NAA11: variants seen among roughly 807,000 people sequenced by gnomAD.
The protein encoded by NAA11 is N-alpha-acetyltransferase 11.
In NAA11, 15 loss-of-function variants were observed where a neutral mutation model predicts 16.1. The ratio of observed to expected loss-of-function variants is 0.93; its 90% CI spans 0.62 to 1.44. The LOEUF is 1.44. Among genes scored for constraint, NAA11 ranks in the 40% most tolerant of loss-of-function variants. The pLI is 0.00. For synonymous variants in NAA11, 122 were observed against 112.4 expected (o/e 1.09, Z -0.54); for missense variants, 298 against 291.3 (o/e 1.02, Z -0.17).
chr4:79,314,781 A>C (rs910089698), downstream of NAA11, among the ~76,000 whole-genome samples: 8 of 152,080 alleles, frequency 5.3e-5, no homozygotes, highest in Non-Finnish European at 8.8e-5. Flanking sequence ...TTAGAAGTGA[A>C]ACTTTTAAAA....
the NAA11 span, among the ~76,000 whole-genome samples, chr4:79,161,423 A>T: frequency 1.3e-5 from 2 of 152,192 alleles, no homozygotes; most frequent in South Asian, 4.1e-4. Flanking sequence ...TGATTACTAT[A>T]GCTTTGTAAG....
the NAA11 span, among the ~76,000 whole-genome samples, chr4:79,156,525 C>T: frequency 6.6e-6 from 1 of 152,244 alleles, no homozygotes; most frequent in East Asian, 1.9e-4. Flanking sequence ...TCTCCTTGCT[C>T]AGGGAGGTCA....
intron 2 of NAA11, among the ~76,000 whole-genome samples, chr4:79,271,469 G>A (rs540658172): frequency 6.6e-6 from 1 of 152,072 alleles, no homozygotes; most frequent in South Asian, 2.1e-4. Context: ...TTTTGGTAAA[G>A]GAGAACATAA....
downstream of NAA11, among the ~76,000 whole-genome samples, chr4:79,220,854 T>C (rs961615637): frequency 1.3e-5 from 2 of 152,100 alleles, no homozygotes; most frequent in African/African-American, 2.4e-5. Context: ...CTTGGCGATG[T>C]GGGCTCTTTT....
chr4:79,246,762 C>T (rs966976157), intron 2 of NAA11, among the ~76,000 whole-genome samples: 20 of 152,118 alleles, frequency 1.3e-4, no homozygotes, highest in Non-Finnish European at 2.2e-4. Context: ...GTAAAGAATG[C>T]AGAGAGGCCT....
At chr4:79,309,459 T>TA (rs999213043) in intron 1 of NAA11, among the ~76,000 whole-genome samples, 6 of 152,196 alleles carry the variant, frequency 3.9e-5, no homozygotes, top group African/African-American at 1.2e-4. Context: ...CATGTTTGCT[T>TA]ATTGTTTGCT....
chr4:79,183,728 C>T, the NAA11 span, among the ~76,000 whole-genome samples: 2 of 152,016 alleles, frequency 1.3e-5, no homozygotes, highest in Non-Finnish European at 2.9e-5. Flanking sequence ...TGTTCAGCCT[C>T]CCCTTGCTAC....
chr4:79,172,178 A>T, the NAA11 span, among the ~76,000 whole-genome samples: 1 of 152,106 alleles, frequency 6.6e-6, no homozygotes. Context: ...TATACGTTGG[A>T]AAAACAATGC....
At chr4:79,271,463 G>A (rs1722491032) in intron 2 of NAA11, among the ~76,000 whole-genome samples, 1 of 151,786 alleles carries the variant, frequency 6.6e-6, no homozygotes, top group Admixed American at 6.6e-5. Context: ...TATTTTTTTT[G>A]GTAAAGGAGA....
the NAA11 span, among the ~76,000 whole-genome samples, chr4:79,172,202 A>G: frequency 1.1e-4 from 17 of 152,258 alleles, no homozygotes; most frequent in South Asian, 6.2e-4. Flanking sequence ...CAAAGGCTTC[A>G]TGACTACTCT....
downstream of NAA11, among the ~76,000 whole-genome samples, chr4:79,223,060 G>C (rs1379692732): frequency 1.4e-5 from 2 of 146,810 alleles, no homozygotes; most frequent in African/African-American, 5.0e-5. Context: ...CTGTAAACTA[G>C]TTCAACCATT....
chr4:79,212,603 T>G, the NAA11 span, among the ~76,000 whole-genome samples: 2 of 152,126 alleles, frequency 1.3e-5, no homozygotes, highest in South Asian at 4.1e-4. Flanking sequence ...ACGGTTTCAC[T>G]TTACATGGTT....
chr4:79,254,700 T>TTTA (rs55691041), intron 2 of NAA11, among the ~76,000 whole-genome samples: 15,968 of 149,762 alleles, frequency 0.11, 1,054 homozygotes, highest in African/African-American at 0.18. Context: ...TATTTACTTT[T>TTTA]TTATTATTAT....
At chr4:79,287,041 G>A (rs1722958150) in intron 2 of NAA11, among the ~76,000 whole-genome samples, 1 of 152,078 alleles carries the variant, frequency 6.6e-6, no homozygotes, top group Non-Finnish European at 1.5e-5. Context: ...CAAGAGGCTA[G>A]TTATTAATAG....
chr4:79,235,089 A>T (rs1318041920), intron 2 of NAA11, among the ~76,000 whole-genome samples: 1 of 152,130 alleles, frequency 6.6e-6, no homozygotes, highest in East Asian at 1.9e-4. Context: ...TTCATTTAAC[A>T]GCTTAGTCCA....
intron 1 of NAA11, among the ~76,000 whole-genome samples, chr4:79,321,656 C>T (rs1724091361): frequency 6.6e-6 from 1 of 152,112 alleles, no homozygotes; most frequent in Admixed American, 6.5e-5. Flanking sequence ...GTAGTATTAG[C>T]AATACTTGAG....
At chr4:79,261,925 T>C (rs1451909961) in intron 2 of NAA11, among the ~76,000 whole-genome samples, 1 of 152,190 alleles carries the variant, frequency 6.6e-6, no homozygotes, top group African/African-American at 2.4e-5. Flanking sequence ...TTAAGAAGCC[T>C]ACATATCCGT....
intron 2 of NAA11, among the ~76,000 whole-genome samples, chr4:79,266,516 C>G (rs1179922738): frequency 6.6e-6 from 1 of 152,172 alleles, no homozygotes; most frequent in Non-Finnish European, 1.5e-5. Context: ...AGTTCAGGCA[C>G]CTCAGGGCCC....
chr4:79,221,339 C>T (rs1456031180), downstream of NAA11, among the ~76,000 whole-genome samples: 8 of 148,938 alleles, frequency 5.4e-5, no homozygotes, highest in African/African-American at 1.7e-4. Flanking sequence ...ATTTGACTTC[C>T]TCTTTTCCTA....
Sources: gnomAD v4.1 joint callset for allele counts (sites outside exome capture counted in the v4.1 genomes callset) on GRCh38, gnomAD v4.1.1 for gene constraint, MANE v1.5 for transcripts, NCBI Gene and HGNC (gene_info 2026-07-23, HGNC 2026-07-21) for gene names.